Variants in KGD4 observed in about 807,000 individuals in gnomAD.
The protein encoded by KGD4 is alpha-ketoglutarate dehydrogenase subunit 4, also known as alpha-ketoglutarate dehydrogenase component 4.
the KGD4 span, among the ~76,000 whole-genome samples, chr5:69,221,036 T>G: frequency 3.0e-4 from 45 of 152,288 alleles, no homozygotes; most frequent in Non-Finnish European, 6.0e-4. Context: ...CCCAGGGACG[T>G]AAACACTGCG....
the KGD4 span, among the ~76,000 whole-genome samples, chr5:69,223,390 T>A: frequency 1.3e-5 from 2 of 152,080 alleles, no homozygotes; most frequent in Non-Finnish European, 2.9e-5. Context: ...AGAAGTTTTT[T>A]AGCATGGAAG....
the KGD4 span, chr5:69,217,938 C>T: frequency 1.2e-6 from 2 of 1,612,334 alleles, no homozygotes; most frequent in Middle Eastern, 1.7e-4. Flanking sequence ...GCGACGGCGT[C>T]GGGGAGTAAA....
chr5:69,228,126 A>G, the KGD4 span: 1 of 1,105,546 alleles, frequency 9.0e-7, no homozygotes, highest in Non-Finnish European at 1.2e-6. Context: ...TGATTATTTG[A>G]TAGTATTTTA....
the KGD4 span, chr5:69,217,869 C>A: frequency 8.7e-6 from 14 of 1,614,036 alleles, no homozygotes; most frequent in Non-Finnish European, 1.2e-5. Flanking sequence ...TAGGGTCGTT[C>A]AGGTAAAGCA....
chr5:69,226,313 T>G, the KGD4 span: 2 of 1,512,182 alleles, frequency 1.3e-6, no homozygotes, highest in East Asian at 4.5e-5. Flanking sequence ...GAGATTGTTT[T>G]TCATGCATAT....
the KGD4 span, chr5:69,229,968 T>C: frequency 6.6e-6 from 1 of 151,660 alleles, no homozygotes; most frequent in East Asian, 1.9e-4. Context: ...TTTTACTGTT[T>C]TGTGATCTTG....
chr5:69,224,307 C>T, the KGD4 span, among the ~76,000 whole-genome samples: 342 of 151,804 alleles, frequency 2.3e-3, 1 homozygote, highest in African/African-American at 7.7e-3. Flanking sequence ...AGGAGAATTG[C>T]TTGAACCTGG....
the KGD4 span, among the ~76,000 whole-genome samples, chr5:69,221,070 A>G: frequency 4.6e-5 from 7 of 152,162 alleles, no homozygotes; most frequent in Non-Finnish European, 7.3e-5. Flanking sequence ...ACCTCTGCCT[A>G]GGAAAACCAG....
chr5:69,224,581 T>C, the KGD4 span, among the ~76,000 whole-genome samples: 1 of 152,040 alleles, frequency 6.6e-6, no homozygotes, highest in Non-Finnish European at 1.5e-5. Context: ...ATTAATATAG[T>C]AGGGAAATAA....
At chr5:69,226,966 G>A in the KGD4 span, among the ~76,000 whole-genome samples, 2 of 152,234 alleles carry the variant, frequency 1.3e-5, no homozygotes, top group South Asian at 4.1e-4. Context: ...CCCCCTCCCG[G>A]GTTAAAGCAA....
chr5:69,217,828 T>C, the KGD4 span: 17 of 1,613,058 alleles, frequency 1.1e-5, no homozygotes, highest in East Asian at 2.0e-4. Flanking sequence ...TTCTCGGGGG[T>C]CATGATGGGC....
chr5:69,226,747 G>T, the KGD4 span, among the ~76,000 whole-genome samples: 1 of 151,996 alleles, frequency 6.6e-6, no homozygotes, highest in Non-Finnish European at 1.5e-5. Context: ...TACTCGGGAG[G>T]CTGAGGCATA....
chr5:69,219,657 T>C, the KGD4 span, among the ~76,000 whole-genome samples: 1 of 152,014 alleles, frequency 6.6e-6, no homozygotes, highest in Non-Finnish European at 1.5e-5. Context: ...CTCACCTATT[T>C]AGAATTCAAA....
the KGD4 span, among the ~76,000 whole-genome samples, chr5:69,224,405 C>A: frequency 5.3e-5 from 8 of 151,088 alleles, no homozygotes; most frequent in Non-Finnish European, 4.4e-5. Context: ...AAAAAAAAGT[C>A]TTTTATTTGT....
chr5:69,225,878 C>G, the KGD4 span, among the ~76,000 whole-genome samples: 1 of 152,124 alleles, frequency 6.6e-6, no homozygotes, highest in African/African-American at 2.4e-5. Flanking sequence ...CACACTGGGC[C>G]TTGTTTTTCT....
chr5:69,218,994 G>A, the KGD4 span, among the ~76,000 whole-genome samples: 5 of 152,118 alleles, frequency 3.3e-5, no homozygotes, highest in Admixed American at 6.6e-5. Flanking sequence ...TTAAAAATGG[G>A]TAAAAGACTT....
chr5:69,222,505 G>A, the KGD4 span, among the ~76,000 whole-genome samples: 6 of 152,228 alleles, frequency 3.9e-5, no homozygotes, highest in Non-Finnish European at 7.3e-5. Flanking sequence ...CACAATGGGT[G>A]TTGTGAGTGC....
chr5:69,224,935 G>T, the KGD4 span, among the ~76,000 whole-genome samples: 1 of 151,816 alleles, frequency 6.6e-6, no homozygotes, highest in Non-Finnish European at 1.5e-5. Flanking sequence ...CTAGCCGGGC[G>T]TGGTGGCACG....
chr5:69,222,946 T>C, the KGD4 span, among the ~76,000 whole-genome samples: 1 of 151,190 alleles, frequency 6.6e-6, no homozygotes, highest in East Asian at 1.9e-4. Context: ...CGGCTAATTT[T>C]TTTATTTTTT....
Sources: allele counts gnomAD v4.1 joint callset (sites outside exome capture counted in the v4.1 genomes callset), GRCh38; gene constraint gnomAD v4.1.1; transcripts MANE v1.5; gene names NCBI Gene and HGNC (gene_info 2026-07-23, HGNC 2026-07-21).